Variants in CASP10 observed in about 807,000 individuals in gnomAD.
The protein encoded by CASP10 is caspase-10.
Under a neutral mutation model 48.5 loss-of-function variants are expected in CASP10, and 41 were observed. That is an observed-to-expected ratio of 0.85 (90% CI 0.66 to 1.10). The LOEUF (loss-of-function observed/expected upper bound fraction) is 1.10, where lower values mean the gene tolerates loss of function less well. Among genes scored for constraint, CASP10 ranks in the 50% least tolerant of loss-of-function variants. CASP10 has a pLI of 0.00. For synonymous variants in CASP10, 232 were observed against 238.4 expected (o/e 0.97, Z 0.25); for missense variants, 614 against 614.5 (o/e 1.00, Z 0.01).
chr2:201,183,347 G>A (rs1038619424), intron 1 of CASP10, 39 bp downstream of exon 1: 2 of 152,184 alleles, frequency 1.3e-5, no homozygotes, highest in African/African-American at 4.8e-5. Context: ...AGAGTCTCAT[G>A]CTTGAATCTT....
chr2:201,217,039 T>C (rs1415906235), intron 9 of CASP10, among the ~76,000 whole-genome samples: 9 of 152,248 alleles, frequency 5.9e-5, no homozygotes, highest in Non-Finnish European at 1.3e-4. Context: ...CCTTGTGTTA[T>C]GAATATTGTG....
At chr2:201,202,583 G>C (rs1433539049) in intron 5 of CASP10, among the ~76,000 whole-genome samples, 1 of 152,220 alleles carries the variant, frequency 6.6e-6, no homozygotes, top group Admixed American at 6.5e-5. Context: ...AGTCTGGCCA[G>C]GCCCTTGTCT....
chr2:201,225,692 C>T (rs1576157225), downstream of CASP10, among the ~76,000 whole-genome samples: 1 of 152,132 alleles, frequency 6.6e-6, no homozygotes, highest in South Asian at 2.1e-4. Context: ...AGGATGAGGC[C>T]GGGGTGTGGT....
At chr2:201,210,663 C>T (rs533172977) in intron 9 of CASP10, among the ~76,000 whole-genome samples, 1 of 152,102 alleles carries the variant, frequency 6.6e-6, no homozygotes, top group Non-Finnish European at 1.5e-5. Context: ...TCACAGACAT[C>T]AGAGGCTAAT....
At position 201,221,178 on chromosome 2, in the gene CASP10, C is replaced by A. The variant is rs1349250158; in HGVS notation, c.*3437C>A. 9 of 985,274 alleles carry A rather than the reference C, an allele frequency of 9.1e-6. No individual in the cohort carries two copies. Among genetic ancestry groups the A allele is most frequent in the Non-Finnish European group, 1.2e-6 (1 of 829,924 alleles). 61.0% of individuals were successfully genotyped at this position (985,274 alleles called of 1,614,324 possible). On this transcript the variant is annotated 3_prime_UTR_variant, in exon 10 of 10. Coordinates refer to ENST00000286186, the MANE Select transcript of CASP10 (RefSeq NM_032977.4). ...TTTATTAGCGGCAACTCAGCACTAG[C>A]ATTACCCCTGACATACTCTGAGTAA...
At chr2:201,215,209 CG>C (rs1221333917) in intron 9 of CASP10, among the ~76,000 whole-genome samples, 4 of 79,712 alleles carry the variant, frequency 5.0e-5, no homozygotes, top group Non-Finnish European at 9.9e-5. Flanking sequence ...TCTCTTCCCT[CG>C]GTTTTTTTTT....
downstream of CASP10, among the ~76,000 whole-genome samples, chr2:201,223,738 G>A (rs973271147): frequency 2.0e-5 from 3 of 152,202 alleles, no homozygotes; most frequent in African/African-American, 7.2e-5. Flanking sequence ...GATGTGATAA[G>A]AATGTAACAA....
chr2:201,203,952 G>A lies in CASP10; in HGVS notation c.721+186G>A, dbSNP rs535651220. Among the ~76,000 whole-genome samples, 7 of 152,326 alleles carry A rather than the reference G, an allele frequency of 4.6e-5. No individual in the cohort carries two copies. The East Asian group carries it at 1.4e-3, about 29-fold the overall frequency. On this transcript the variant is annotated intron_variant, in intron 6 of 9. Transcript: ENST00000286186. ...GATTGTACTAGGCTTTTCTATGGCA[G>A]TATGGAGAGGGCTGGGTGGTTTCTG...
intron 9 of CASP10, among the ~76,000 whole-genome samples, chr2:201,228,763 T>TA (rs761343260): frequency 2.6e-5 from 4 of 152,080 alleles, no homozygotes; most frequent in East Asian, 1.9e-4. Context: ...TGTAAACAAA[T>TA]AAAAAAATAG....
Position 201,217,984 on chromosome 2 carries a change from G to A in CASP10, c.*243G>A. On this transcript the variant is annotated 3_prime_UTR_variant, in exon 10 of 10. Transcript: ENST00000286186. ...ACTGGAGTGCAGGGGGGCAATCACG[G>A]CTCACTGTAGTCTCGACCTCCCAGG... 1 of 1,091,466 alleles carries A rather than the reference G, an allele frequency of 9.2e-7. No homozygotes were observed. The highest frequency in any genetic ancestry group is 1.2e-6 in the Non-Finnish European group (1 of 829,930). The allele number at this position is 1,091,466 out of a possible 1,614,324, so 67.6% of individuals were successfully genotyped here.
At chr2:201,200,339 A>C (rs1326843675) in intron 5 of CASP10, 1 of 1,011,578 alleles carries the variant, frequency 9.9e-7, no homozygotes, top group East Asian at 2.5e-5. Context: ...AGCATTTACT[A>C]TGTTGGTTGT....
At position 201,209,192 on chromosome 2, in the gene CASP10, G is replaced by T. The variant is rs775753149; in HGVS notation, c.1045G>T (p.Asp349Tyr). Residue 349 changes from aspartate (D) to tyrosine (Y), a missense_variant, in exon 9 of 10, where the codon GAC becomes TAC. By Grantham distance (160) the Asp-to-Tyr change is radical. Coordinates refer to ENST00000286186, the MANE Select transcript of CASP10 (RefSeq NM_032977.4). ...QKCNPAHADG[D>Y]CFVFCILTHG... Reference sequence around the variant, plus strand: ...GTGCAATCCAGCCCATGCCGACGGGGACTGCTTCGTGTTCTGTATTCTGAC... The same window carrying T: ...GTGCAATCCAGCCCATGCCGACGGGTACTGCTTCGTGTTCTGTATTCTGAC... 1.9e-6 allele frequency: 3 copies of T among 1,613,034 alleles called. No individual in the cohort carries two copies. In the East Asian group the frequency reaches 6.7e-5, roughly 36 times the overall value.
chr2:201,210,054 A>G (rs1205320514), intron 9 of CASP10, among the ~76,000 whole-genome samples: 1 of 152,228 alleles, frequency 6.6e-6, no homozygotes, highest in Non-Finnish European at 1.5e-5. Context: ...ATGTTAGGTA[A>G]AGAATCAGGT....
In CASP10 at chr2:201,217,776, A is replaced by C; in HGVS notation, c.*35A>C. 1.2e-6 allele frequency: 2 copies of C among 1,613,608 alleles called. No homozygotes were observed. Among genetic ancestry groups the C allele is most frequent in the Non-Finnish European group, 1.7e-6 (2 of 1,179,652 alleles). On this transcript the variant is annotated 3_prime_UTR_variant, in exon 10 of 10. Transcript: ENST00000286186. ...TTTGTTGGTTCTTAGACCTCAAACG[A>C]ATCATTGGCTATAACCTCCAGCCTC...
chr2:201,195,183 C>T (rs1311673122), intron 4 of CASP10, among the ~76,000 whole-genome samples: 4 of 152,080 alleles, frequency 2.6e-5, no homozygotes, highest in Non-Finnish European at 5.9e-5. Context: ...CCTCCACCTC[C>T]CAAGTTCAAG....
intron 9 of CASP10, 69 bp downstream of exon 9, chr2:201,209,631 C>A: frequency 6.8e-7 from 1 of 1,478,832 alleles, no homozygotes; most frequent in Non-Finnish European, 9.1e-7. Context: ...TACTCTCATT[C>A]AACACCTTTG....
rs559244194 is a variant in CASP10 at position 201,208,188 on chromosome 2, G to A, written c.922+5G>A. 1.4e-4 allele frequency: 224 copies of A among 1,610,990 alleles called. No homozygotes were observed. Among genetic ancestry groups the A allele is most frequent in the Non-Finnish European group, 1.8e-4 (218 of 1,178,908 alleles). On this transcript the variant is annotated splice_donor_5th_base_variant and intron_variant, in intron 8 of 9. Coordinates refer to ENST00000286186, the MANE Select transcript of CASP10 (RefSeq NM_032977.4). ...AAGGAACCCATAAAGATGCTGGTAA[G>A]AAAGTCTGGAACAGTTTATCAAATG...
intron 3 of CASP10, among the ~76,000 whole-genome samples, chr2:201,190,453 T>C (rs1297072101): frequency 6.6e-6 from 1 of 152,170 alleles, no homozygotes; most frequent in Non-Finnish European, 1.5e-5. Context: ...ACATTTGCAG[T>C]GGTACAAAGC....
chr2:201,223,142 C>T (rs544152663), downstream of CASP10, among the ~76,000 whole-genome samples: 1 of 152,330 alleles, frequency 6.6e-6, no homozygotes, highest in African/African-American at 2.4e-5. Context: ...ACAATGACAG[C>T]TCATGTTCTG....
Sources: gnomAD v4.1 joint callset for allele counts (sites outside exome capture counted in the v4.1 genomes callset) on GRCh38, gnomAD v4.1.1 for gene constraint, MANE v1.5 for transcripts, NCBI Gene and HGNC (gene_info 2026-07-23, HGNC 2026-07-21) for gene names.